DPP6: variants seen among roughly 807,000 people sequenced by gnomAD.
The protein encoded by DPP6 is A-type potassium channel modulatory protein DPP6.
A neutral mutation model predicts 122.6 loss-of-function variants in DPP6; 69 were observed. That is an observed-to-expected ratio of 0.56 (90% CI 0.46 to 0.69). DPP6 has a LOEUF of 0.69. Among genes scored for constraint, DPP6 ranks in the 30% least tolerant of loss-of-function variants. The probability of loss-of-function intolerance (pLI) is 0.00; values close to 1 mark genes in which losing one functional copy is unlikely to be tolerated. For missense variants in DPP6, 928 were observed against 1,116.9 expected (o/e 0.83, Z 2.41); for synonymous variants, 418 against 433.1 (o/e 0.97, Z 0.43).
rs766067795 is a variant in DPP6, at chr7:154,892,986, G to A, written c.*506G>A. 6 of 513,036 alleles carry A rather than the reference G, an allele frequency of 1.2e-5. No individual in the cohort carries two copies. The highest frequency in any genetic ancestry group is 7.7e-5 in the African/African-American group (4 of 51,910). The allele number at this position is 513,036 out of a possible 1,614,324, so 31.8% of individuals were successfully genotyped here. ...ATATGGGCTTGCTACTTCCTGTAATGAGGACGTTCAACATGGTGAGGGGCT... is the reference window on the plus strand; with the variant it reads ...ATATGGGCTTGCTACTTCCTGTAATAAGGACGTTCAACATGGTGAGGGGCT... On this transcript the variant is annotated 3_prime_UTR_variant, in exon 26 of 26. Coordinates refer to ENST00000377770, the MANE Select transcript of DPP6 (RefSeq NM_130797.4).
the DPP6 span, among the ~76,000 whole-genome samples, chr7:153,748,278 C>A: frequency 6.6e-6 from 1 of 151,492 alleles, no homozygotes. Context: ...ACCTCCCGAC[C>A]ATCCCGGGAA....
At chr7:154,515,658 G>A (rs1368229321) in intron 3 of DPP6, among the ~76,000 whole-genome samples, 1 of 152,030 alleles carries the variant, frequency 6.6e-6, no homozygotes, top group African/African-American at 2.4e-5. Flanking sequence ...TGTGTTTTTG[G>A]TAAAGACAGG....
At chr7:154,082,846 C>CTTTCTTTTTTTT (rs1260484862) in intron 1 of DPP6, among the ~76,000 whole-genome samples, 3 of 106,276 alleles carry the variant, frequency 2.8e-5, no homozygotes, top group Non-Finnish European at 5.6e-5. Flanking sequence ...TTTTCTTTTT[C>CTTTCTTTTTTTT]TTTTTTTTTT....
chr7:154,310,604 C>A (rs541573337), intron 1 of DPP6, among the ~76,000 whole-genome samples: 1 of 152,108 alleles, frequency 6.6e-6, no homozygotes, highest in Non-Finnish European at 1.5e-5. Context: ...CAAATCCAGC[C>A]CCCTCATTCT....
Position 154,446,277 on chromosome 7 carries a change from A to C in DPP6, c.307A>C (p.Ile103Leu). 1 of 1,612,700 alleles carries C rather than the reference A, an allele frequency of 6.2e-7. No individual in the cohort carries two copies. The highest frequency in any genetic ancestry group is 2.2e-5 in the East Asian group (1 of 44,786). Residue 103 changes from isoleucine to leucine, a missense_variant, in exon 2 of 26, where the codon ATT (isoleucine) becomes CTT (leucine). By Grantham distance (5) the Ile-to-Leu change is conservative (BLOSUM62 2). Coordinates refer to ENST00000377770, the MANE Select transcript of DPP6 (RefSeq NM_130797.4). ...AGGAATAGCAATTGCACTGCTTGTCATTCTGGTCATCTGCTCCTTGATCGT... is the reference window on the plus strand; with the variant it reads ...AGGAATAGCAATTGCACTGCTTGTCCTTCTGGTCATCTGCTCCTTGATCGT... ...WKGIAIALLV[I>L]LVICSLIVTS... is the part of the protein sequence containing the mutation.
chr7:154,163,807 C>T (rs1166267336), intron 1 of DPP6, among the ~76,000 whole-genome samples: 1 of 152,182 alleles, frequency 6.6e-6, no homozygotes, highest in African/African-American at 2.4e-5. Context: ...TGGGAAGCAC[C>T]TGGGCCACTA....
intron 16 of DPP6, among the ~76,000 whole-genome samples, chr7:154,850,353 G>A (rs1802270900): frequency 6.6e-6 from 1 of 152,084 alleles, no homozygotes; most frequent in East Asian, 1.9e-4. Context: ...ATTTTGTTGA[G>A]GATTTTTGCA....
intron 2 of DPP6, among the ~76,000 whole-genome samples, chr7:154,463,937 C>G (rs559098261): frequency 6.6e-6 from 1 of 152,306 alleles, no homozygotes; most frequent in South Asian, 2.1e-4. Flanking sequence ...AGAGGTGATG[C>G]AAGCACTCCC....
intron 1 of DPP6, among the ~76,000 whole-genome samples, chr7:153,934,399 G>A (rs1801328749): frequency 6.6e-6 from 1 of 152,050 alleles, no homozygotes; most frequent in Non-Finnish European, 1.5e-5. Context: ...AAATAACAGT[G>A]TGGAATAAAA....
At chr7:153,749,768 C>A in the DPP6 span, among the ~76,000 whole-genome samples, 4 of 152,132 alleles carry the variant, frequency 2.6e-5, no homozygotes, top group Non-Finnish European at 5.9e-5. This position sits in a 1 kb window ranked among gnomAD's most constrained non-coding sequence, Gnocchi z 4.1. Flanking sequence ...GATGAATTAG[C>A]GAGGAAATTC....
intron 1 of DPP6, among the ~76,000 whole-genome samples, chr7:154,279,745 C>A (rs1455685405): frequency 6.6e-6 from 1 of 152,176 alleles, no homozygotes. Context: ...AATGCGTTGC[C>A]TTTTTAAAGA....
the DPP6 span, among the ~76,000 whole-genome samples, chr7:153,794,224 A>T: frequency 6.6e-6 from 1 of 152,350 alleles, no homozygotes; most frequent in African/African-American, 2.4e-5. Flanking sequence ...GCAGACACTC[A>T]GTGCCAGCCT....
chr7:154,834,076 G>A (rs1800837534), intron 16 of DPP6, among the ~76,000 whole-genome samples: 1 of 152,128 alleles, frequency 6.6e-6, no homozygotes, highest in Non-Finnish European at 1.5e-5. Context: ...TGCCTTGCCA[G>A]GGTGGGCGGA....
At chr7:154,553,776 T>C (rs543023339) in intron 4 of DPP6, among the ~76,000 whole-genome samples, 1 of 152,150 alleles carries the variant, frequency 6.6e-6, no homozygotes, top group East Asian at 1.9e-4. Context: ...AAGCCACCGC[T>C]TCAAACACTG....
At chr7:153,941,264 C>T (rs996288069) in intron 1 of DPP6, among the ~76,000 whole-genome samples, 4 of 152,188 alleles carry the variant, frequency 2.6e-5, no homozygotes, top group African/African-American at 7.2e-5. Context: ...CAGACAGCCT[C>T]GGGGTGCTAG....
At position 154,412,099 on chromosome 7, in the gene DPP6, A is replaced by G. The variant is rs76935015; in HGVS notation, c.244-34115A>G. ...AAGTCCTCGAATAGTGGAAGGGGTG[A>G]GAGAGCTCTGTGGGGTCTCTTTTAT... is the stretch of plus-strand genomic sequence containing the variant. On this transcript the variant is annotated intron_variant, in intron 1 of 25. Coordinates refer to ENST00000377770, the MANE Select transcript of DPP6 (RefSeq NM_130797.4). 3.4e-3 allele frequency among the ~76,000 whole-genome samples: 525 copies of G among 152,218 alleles called. 3 individuals are homozygous for G. Among genetic ancestry groups the G allele is most frequent in the Non-Finnish European group, 5.9e-3 (402 of 68,004 alleles).
intron 3 of DPP6, among the ~76,000 whole-genome samples, chr7:154,511,153 C>T (rs1039579289): frequency 1.3e-5 from 2 of 152,060 alleles, no homozygotes; most frequent in African/African-American, 4.8e-5. Flanking sequence ...GTGAGAACAC[C>T]GAGCTGCTCA....
At chr7:154,713,645 G>C (rs1377803915) in intron 7 of DPP6, among the ~76,000 whole-genome samples, 4 of 152,220 alleles carry the variant, frequency 2.6e-5, no homozygotes, top group African/African-American at 9.6e-5. Flanking sequence ...GATGGCTGGA[G>C]TGGCTGGGAC....
At chr7:154,493,976 A>G (rs1824506898) in intron 3 of DPP6, among the ~76,000 whole-genome samples, 1 of 152,054 alleles carries the variant, frequency 6.6e-6, no homozygotes, top group Admixed American at 6.5e-5. Flanking sequence ...TAAGAGGACC[A>G]TCTGATAGTT....
Sources: gnomAD v4.1 joint callset for allele counts (sites outside exome capture counted in the v4.1 genomes callset) on GRCh38, gnomAD v4.1.1 for gene constraint, Gnocchi (gnomAD v3.1) non-coding constraint, MANE v1.5 for transcripts, NCBI Gene and HGNC (gene_info 2026-07-23, HGNC 2026-07-21) for gene names.